Variants in MYT1L observed in about 807,000 individuals in gnomAD.
The protein encoded by MYT1L is myelin transcription factor 1-like protein.
MYT1L carries 12 observed loss-of-function variants against 126.7 expected under a neutral mutation model. The observed-to-expected ratio is 0.09, with a 90% CI of 0.06 to 0.15. The LOEUF is 0.15. Among genes scored for constraint, MYT1L ranks in the 10% least tolerant of loss-of-function variants. The pLI, the probability that MYT1L is intolerant of heterozygous loss-of-function variation, is 1.00. For missense variants in MYT1L, 979 were observed against 1,585.2 expected (o/e 0.62, Z 6.49); for synonymous variants, 541 against 604.2 (o/e 0.90, Z 1.53).
intron 4 of MYT1L, among the ~76,000 whole-genome samples, chr2:2,016,304 AG>A (rs1466055422): frequency 6.6e-6 from 1 of 152,208 alleles, no homozygotes; most frequent in Non-Finnish European, 1.5e-5. Context: ...GAAGATGGAG[AG>A]GGTCAGGAAG....
intron 4 of MYT1L, among the ~76,000 whole-genome samples, chr2:2,005,887 T>C (rs2063258650): frequency 7.0e-6 from 1 of 142,804 alleles, no homozygotes; most frequent in Non-Finnish European, 1.5e-5. Context: ...ATGCGTTCTT[T>C]CCTCATGCGT....
At chr2:2,288,442 C>G (rs1247588405) in intron 1 of MYT1L, among the ~76,000 whole-genome samples, 8 of 152,200 alleles carry the variant, frequency 5.3e-5, no homozygotes, top group Non-Finnish European at 1.0e-4. Context: ...TCTGGGTCCT[C>G]CACATCCATT....
At chr2:1,871,926 T>C (rs1450553873) in intron 18 of MYT1L, among the ~76,000 whole-genome samples, 4 of 152,150 alleles carry the variant, frequency 2.6e-5, no homozygotes, top group African/African-American at 7.2e-5. Context: ...CGCTGAGACA[T>C]GAAACTCGGA....
At position 1,793,482 on chromosome 2, in the gene MYT1L, T is replaced by G. The variant is rs2032684410; in HGVS notation, c.3277-1018A>C. ...GCTCCTCTCCTTCCCTGACGTGTCA[T>G]TCCTAAGTCCTCTCACGAGAGTCTC... On this transcript the variant is annotated intron_variant, in intron 23 of 24. Transcript: ENST00000647738. The surrounding 1 kb of genome is among the most constrained non-coding windows in gnomAD (Gnocchi z 4.6). Among the ~76,000 whole-genome samples, 1 of 152,276 alleles carries G rather than the reference T, an allele frequency of 6.6e-6. No homozygotes were observed. The highest frequency in any genetic ancestry group is 2.4e-5 in the African/African-American group (1 of 41,574).
At chr2:2,205,522 G>A (rs1308624958) in intron 2 of MYT1L, among the ~76,000 whole-genome samples, 1 of 152,192 alleles carries the variant, frequency 6.6e-6, no homozygotes, top group African/African-American at 2.4e-5. Flanking sequence ...AATGTAGTCA[G>A]GGGAACATCC....
intron 14 of MYT1L, among the ~76,000 whole-genome samples, chr2:1,899,565 C>G (rs370757281): frequency 7.2e-5 from 11 of 152,280 alleles, no homozygotes; most frequent in African/African-American, 2.6e-4. Context: ...ACGTGAAGCC[C>G]CTTCCTCAGC....
intron 3 of MYT1L, among the ~76,000 whole-genome samples, chr2:2,123,606 A>G (rs1330563597): frequency 1.3e-5 from 2 of 152,026 alleles, no homozygotes; most frequent in Non-Finnish European, 2.9e-5. Context: ...GATGTGCCTA[A>G]TTCCCCTTTG....
At chr2:1,945,838 T>C (rs1195973028) in intron 8 of MYT1L, among the ~76,000 whole-genome samples, 5 of 152,186 alleles carry the variant, frequency 3.3e-5, no homozygotes, top group Non-Finnish European at 5.9e-5. Flanking sequence ...TTTTGGAAAC[T>C]AATGATTGTC....
At chr2:1,808,797 T>G (rs114790604) in intron 22 of MYT1L, among the ~76,000 whole-genome samples, 2 of 152,192 alleles carry the variant, frequency 1.3e-5, no homozygotes, top group East Asian at 3.9e-4. Flanking sequence ...GTGGGCACAC[T>G]GGGGTTCCAG....
chr2:1,956,506 A>ATTCT (rs1304648388), intron 8 of MYT1L, among the ~76,000 whole-genome samples: 4 of 87,086 alleles, frequency 4.6e-5, no homozygotes, highest in African/African-American at 2.0e-4. Context: ...TATATTTCCT[A>ATTCT]TTCTATCTAT....
At chr2:1,975,150 G>A (rs948418116) in intron 8 of MYT1L, among the ~76,000 whole-genome samples, 5 of 147,190 alleles carry the variant, frequency 3.4e-5, no homozygotes, top group Non-Finnish European at 6.0e-5. Context: ...GTACAAGCCC[G>A]TAACTATACA....
chr2:1,923,975 TGAGAGA>T (rs1172160993), intron 9 of MYT1L, among the ~76,000 whole-genome samples: 1 of 151,940 alleles, frequency 6.6e-6, no homozygotes, highest in Non-Finnish European at 1.5e-5. Flanking sequence ...GGTTTGAAAG[TGAGAGA>T]GAGAGAAAGC....
intron 9 of MYT1L, among the ~76,000 whole-genome samples, chr2:1,931,199 C>G (rs917178723): frequency 6.6e-5 from 10 of 152,232 alleles, no homozygotes; most frequent in Admixed American, 3.3e-4. Flanking sequence ...CTTCCCTCTG[C>G]TCCTCATCTG....
chr2:1,966,109 T>C (rs2059333629), intron 8 of MYT1L, among the ~76,000 whole-genome samples: 1 of 152,178 alleles, frequency 6.6e-6, no homozygotes, highest in Admixed American at 6.5e-5. Context: ...TGCTTTCTAA[T>C]TTCTGCCTGG....
At chr2:1,864,410 G>C (rs2045172585) in intron 18 of MYT1L, among the ~76,000 whole-genome samples, 1 of 152,178 alleles carries the variant, frequency 6.6e-6, no homozygotes, top group African/African-American at 2.4e-5. Flanking sequence ...CTCCCTCCCT[G>C]CCAGCTCCGG....
intron 2 of MYT1L, among the ~76,000 whole-genome samples, chr2:2,230,101 G>A (rs1326776801): frequency 6.6e-6 from 1 of 152,120 alleles, no homozygotes; most frequent in Admixed American, 6.5e-5. Flanking sequence ...GTCAGTAGAG[G>A]GAGCCTTAAG....
intron 18 of MYT1L, among the ~76,000 whole-genome samples, chr2:1,855,261 C>A (rs539936985): frequency 6.6e-6 from 1 of 152,344 alleles, no homozygotes; most frequent in Admixed American, 6.5e-5. Context: ...CTCCAGGATC[C>A]TCGACCACGG....
Position 1,985,984 on chromosome 2 carries a change from T to C in MYT1L, c.1-6207A>G, listed in dbSNP as rs561693386. Among the ~76,000 whole-genome samples the C allele has an allele frequency of 6.4e-4, 97 of 152,268 alleles. 1 individual carries two copies. In the South Asian group the frequency reaches 0.019, roughly 30 times the overall value. Reference sequence around the variant, plus strand: ...CCCAACAGAGGTGGGAGGACAGCCATAGGAAGTGCACTCAGCCACTAGCCT... The same window carrying C: ...CCCAACAGAGGTGGGAGGACAGCCACAGGAAGTGCACTCAGCCACTAGCCT... On this transcript the variant is annotated intron_variant, in intron 5 of 24. Coordinates refer to ENST00000647738, the MANE Select transcript of MYT1L (RefSeq NM_001303052.2).
chr2:1,957,735 C>T (rs1339093364), intron 8 of MYT1L, among the ~76,000 whole-genome samples: 1 of 152,208 alleles, frequency 6.6e-6, no homozygotes, highest in East Asian at 1.9e-4. Flanking sequence ...TTGGCACCAG[C>T]TTCTGAGATG....
Sources: gnomAD v4.1 joint callset for allele counts (sites outside exome capture counted in the v4.1 genomes callset) on GRCh38, gnomAD v4.1.1 for gene constraint, Gnocchi (gnomAD v3.1) non-coding constraint, MANE v1.5 for transcripts, NCBI Gene and HGNC (gene_info 2026-07-23, HGNC 2026-07-21) for gene names.